DENND2C: variants seen among roughly 807,000 people sequenced by gnomAD.
DENND2C encodes DENN domain-containing protein 2C.
A neutral mutation model predicts 112.4 loss-of-function variants in DENND2C; 72 were observed. That is an observed-to-expected ratio of 0.64 (90% CI 0.53 to 0.78). DENND2C has a LOEUF of 0.78. Among genes scored for constraint, DENND2C ranks in the 30% least tolerant of loss-of-function variants. DENND2C has a pLI of 0.00. For synonymous variants in DENND2C, 329 were observed against 381.6 expected (o/e 0.86, Z 1.61); for missense variants, 992 against 1,113.8 (o/e 0.89, Z 1.56).
chr1:114,617,678 A>G (rs995927959), intron 8 of DENND2C, among the ~76,000 whole-genome samples: 2 of 152,164 alleles, frequency 1.3e-5, no homozygotes, highest in Admixed American at 1.3e-4. Context: ...AACCAGATAA[A>G]TCAATATAAA....
At chr1:114,649,861 T>C (rs1375361939) in intron 2 of DENND2C, among the ~76,000 whole-genome samples, 2 of 152,216 alleles carry the variant, frequency 1.3e-5, no homozygotes, top group African/African-American at 4.8e-5. Context: ...TCAGAAATTT[T>C]GAAAATAGAG....
Position 114,583,171 on chromosome 1 carries a change from G to T in DENND2C, c.*2429C>A, listed in dbSNP as rs189772381. ...ATGTCTAGTAGAAGCCCCACTGGGG[G>T]TAACCTGCTTAACATTAAAAAAAAG... On this transcript the variant is annotated 3_prime_UTR_variant, in exon 21 of 21. Transcript: ENST00000393274. 3 of 152,246 alleles carry T rather than the reference G, an allele frequency of 2.0e-5. No homozygotes were observed. The highest frequency in any genetic ancestry group is 1.3e-4 in the Admixed American group (2 of 15,298). The allele number at this position is 152,246 out of a possible 1,614,324, so 9.4% of individuals were successfully genotyped here.
At chr1:114,624,165 G>A (rs1310140001) in intron 4 of DENND2C, among the ~76,000 whole-genome samples, 2 of 152,200 alleles carry the variant, frequency 1.3e-5, no homozygotes, top group African/African-American at 2.4e-5. Flanking sequence ...GATGCTTGTA[G>A]CCAATCACAT....
At chr1:114,639,395 A>G (rs1292345047) in intron 3 of DENND2C, among the ~76,000 whole-genome samples, 1 of 152,090 alleles carries the variant, frequency 6.6e-6, no homozygotes, top group Non-Finnish European at 1.5e-5. Flanking sequence ...CCTGGCCAAC[A>G]TGGTGAAACC....
At chr1:114,589,295 T>A (rs946001658) in intron 18 of DENND2C, among the ~76,000 whole-genome samples, 3 of 152,180 alleles carry the variant, frequency 2.0e-5, no homozygotes, top group Non-Finnish European at 4.4e-5. Context: ...AACCTAAATT[T>A]AGTCAGAGTT....
chr1:114,661,497 T>C (rs1657491442), intron 1 of DENND2C, among the ~76,000 whole-genome samples: 2 of 152,250 alleles, frequency 1.3e-5, no homozygotes, highest in Admixed American at 1.3e-4. Flanking sequence ...TCTCTTTTTC[T>C]TTCTTTGAAA....
intron 6 of DENND2C, 114 bp downstream of exon 6, chr1:114,622,873 A>T: frequency 1.5e-6 from 1 of 675,800 alleles, no homozygotes; most frequent in Non-Finnish European, 2.2e-6. Context: ...CACCAACATT[A>T]AAACTTACAT....
At chr1:114,594,882 G>A (rs1182976633) in intron 17 of DENND2C, among the ~76,000 whole-genome samples, 1 of 152,124 alleles carries the variant, frequency 6.6e-6, no homozygotes, top group Admixed American at 6.6e-5. Flanking sequence ...AACATGATGA[G>A]CTAATTGATT....
At chr1:114,617,287 T>C (rs1346163292) in intron 8 of DENND2C, among the ~76,000 whole-genome samples, 1 of 152,054 alleles carries the variant, frequency 6.6e-6, no homozygotes, top group South Asian at 2.1e-4. Context: ...AAGTTTTATC[T>C]AGGCATCTGA....
At chr1:114,586,078 A>AT (rs1655029538) in intron 20 of DENND2C, among the ~76,000 whole-genome samples, 1 of 152,224 alleles carries the variant, frequency 6.6e-6, no homozygotes, top group Non-Finnish European at 1.5e-5. Flanking sequence ...ACAGGGCCTA[A>AT]TTAGGGGGCA....
Position 114,625,965 on chromosome 1 carries a change from C to A in DENND2C, c.20G>T (p.Arg7Leu). The A allele has an allele frequency of 6.2e-7, 1 of 1,608,702 alleles. No homozygotes were observed. Among genetic ancestry groups the A allele is most frequent in the Non-Finnish European group, 8.5e-7 (1 of 1,177,022 alleles). Residue 7 changes from arginine (R) to leucine (L), a missense_variant, in exon 4 of 21, where the codon CGT becomes CTT. Physicochemically the swap from Arg to Leu is moderately radical, Grantham distance 102 (BLOSUM62 -2). This residue lies in a region of DENND2C where 470 missense variants were observed against 472.7 expected (regional missense o/e 0.99). Transcript: ENST00000393274. ...TCTTGACAGTGTCTGAACAGTAGTA[C>A]GAGAAAAACCAACATCCATGTTCCC... is the stretch of plus-strand genomic sequence containing the variant. Reference protein sequence around the residue: MDVGFSRTTVQTLSRSH... With the variant: MDVGFSLTTVQTLSRSH...
At chr1:114,630,293 C>T (rs893202911) in intron 3 of DENND2C, among the ~76,000 whole-genome samples, 6 of 149,122 alleles carry the variant, frequency 4.0e-5, no homozygotes, top group South Asian at 2.1e-4. Flanking sequence ...GGCGACAGAG[C>T]GAGATTCGTT....
chr1:114,585,803 A>G (rs1016945539), intron 20 of DENND2C, among the ~76,000 whole-genome samples, 172 bp from the exon 21 acceptor site: 3 of 152,110 alleles, frequency 2.0e-5, no homozygotes, highest in Admixed American at 2.0e-4. Context: ...TGAACCCCAA[A>G]CCCCATATGT....
intron 2 of DENND2C, among the ~76,000 whole-genome samples, chr1:114,652,752 G>A (rs1038699806): frequency 6.7e-6 from 1 of 148,632 alleles, no homozygotes; most frequent in East Asian, 2.0e-4. Flanking sequence ...CACAATCATG[G>A]TGCACTACAG....
At chr1:114,640,564 G>A (rs577889298) in intron 3 of DENND2C, among the ~76,000 whole-genome samples, 20 of 152,286 alleles carry the variant, frequency 1.3e-4, no homozygotes, top group African/African-American at 4.8e-4. Flanking sequence ...CCATGGTGGG[G>A]TATGGTCAGA....
intron 3 of DENND2C, among the ~76,000 whole-genome samples, chr1:114,643,315 G>A (rs1423677601): frequency 6.6e-6 from 1 of 152,048 alleles, no homozygotes; most frequent in Non-Finnish European, 1.5e-5. Context: ...CGCATTATTT[G>A]GTTTTTCAAA....
At chr1:114,610,617 C>T (rs1490924026) in intron 9 of DENND2C, among the ~76,000 whole-genome samples, 2 of 151,412 alleles carry the variant, frequency 1.3e-5, no homozygotes, top group Non-Finnish European at 2.9e-5. Context: ...GGAGAATTGC[C>T]TGAACCCGGG....
At position 114,583,502 on chromosome 1, in the gene DENND2C, A is replaced by ACACACACACACACACACACG. The variant is rs1282157361; in HGVS notation, c.*2097_*2098insCGTGTGTGTGTGTGTGTGTG. On this transcript the variant is annotated 3_prime_UTR_variant, in exon 21 of 21. Transcript: ENST00000393274. ...TGCCCATGAGTTTGAAAACACACAC[A>ACACACACACACACACACACG]CACACACACACACACACACACAGGC... 4 of 151,820 alleles carry ACACACACACACACACACACG rather than the reference A, an allele frequency of 2.6e-5. No individual in the cohort carries two copies. Among genetic ancestry groups the ACACACACACACACACACACG allele is most frequent in the Non-Finnish European group, 4.4e-5 (3 of 67,976 alleles). 9.4% of individuals were successfully genotyped at this position (151,820 alleles called of 1,614,324 possible).
intron 16 of DENND2C, among the ~76,000 whole-genome samples, chr1:114,598,514 T>G (rs1252712524): frequency 1.3e-5 from 2 of 151,714 alleles, no homozygotes. Flanking sequence ...AATGAGTACC[T>G]TTGGTGGGGG....
Sources: gnomAD v4.1 joint callset for allele counts (sites outside exome capture counted in the v4.1 genomes callset) on GRCh38, gnomAD v4.1.1 for gene constraint, gnomAD v4.1.1 regional missense constraint, MANE v1.5 for transcripts, NCBI Gene and HGNC (gene_info 2026-07-23, HGNC 2026-07-21) for gene names.